Variants in GPM6A observed in about 807,000 individuals in gnomAD.
GPM6A encodes glycoprotein M6A, also known as neuronal membrane glycoprotein M6-a.
In GPM6A, 7 loss-of-function variants were observed where a neutral mutation model predicts 32.1. That is an observed-to-expected ratio of 0.22 (90% CI 0.12 to 0.41). The LOEUF is 0.41. Ranked by LOEUF, GPM6A falls within the 10% of genes least tolerant of loss-of-function variation. The probability of loss-of-function intolerance (pLI) is 1.00; values close to 1 mark genes in which losing one functional copy is unlikely to be tolerated. For synonymous variants in GPM6A, 130 were observed against 123.4 expected (o/e 1.05, Z -0.35); for missense variants, 235 against 347.2 (o/e 0.68, Z 2.57).
intron 1 of GPM6A, among the ~76,000 whole-genome samples, chr4:175,770,973 T>C (rs1244513630): frequency 6.6e-6 from 1 of 152,164 alleles, no homozygotes; most frequent in African/African-American, 2.4e-5. Flanking sequence ...ATAAAACAGA[T>C]AACAAGAAAA....
At chr4:175,793,915 T>C (rs932853958) in intron 1 of GPM6A, among the ~76,000 whole-genome samples, 2 of 152,252 alleles carry the variant, frequency 1.3e-5, no homozygotes, top group Non-Finnish European at 2.9e-5. Flanking sequence ...ATTTCATCCA[T>C]TTATCCTAAT....
chr4:175,851,975 C>T (rs1161009788), intron 1 of GPM6A, among the ~76,000 whole-genome samples: 1 of 152,050 alleles, frequency 6.6e-6, no homozygotes, highest in Non-Finnish European at 1.5e-5. Flanking sequence ...AAGATGTTAG[C>T]CCCAGGAAGT....
intron 1 of GPM6A, among the ~76,000 whole-genome samples, chr4:175,808,341 A>C (rs946434426): frequency 1.3e-5 from 2 of 152,178 alleles, no homozygotes; most frequent in African/African-American, 2.4e-5. Context: ...GTATATGATG[A>C]AGGGGTCTCT....
chr4:175,834,556 A>G (rs1293838421), intron 1 of GPM6A, among the ~76,000 whole-genome samples: 1 of 152,130 alleles, frequency 6.6e-6, no homozygotes, highest in Non-Finnish European at 1.5e-5. Flanking sequence ...GTATGTACAC[A>G]ATGTCTCCAC....
At chr4:175,772,418 A>G (rs1394570362) in intron 1 of GPM6A, among the ~76,000 whole-genome samples, 2 of 152,208 alleles carry the variant, frequency 1.3e-5, no homozygotes, top group African/African-American at 4.8e-5. Context: ...GCAAGAGTGT[A>G]TCACTGACAA....
At chr4:175,857,494 A>G (rs1392351477) in intron 1 of GPM6A, among the ~76,000 whole-genome samples, 1 of 152,224 alleles carries the variant, frequency 6.6e-6, no homozygotes, top group Non-Finnish European at 1.5e-5. Flanking sequence ...AAGCATAAAA[A>G]TCAATTAAAA....
At chr4:175,767,883 T>C (rs143341913) in intron 1 of GPM6A, among the ~76,000 whole-genome samples, 1,780 of 152,324 alleles carry the variant, frequency 0.012, 43 homozygotes, top group African/African-American at 0.04. Flanking sequence ...ATAAATTCTT[T>C]ATATAGAAGA....
chr4:175,814,109 C>T (rs189301220), upstream of GPM6A, among the ~76,000 whole-genome samples: 241 of 152,280 alleles, frequency 1.6e-3, no homozygotes, highest in Middle Eastern at 6.8e-3. Flanking sequence ...TCATTTAGAT[C>T]CTTCATTCGT....
At chr4:175,935,422 T>A (rs1579642060) in intron 1 of GPM6A, among the ~76,000 whole-genome samples, 1 of 152,288 alleles carries the variant, frequency 6.6e-6, no homozygotes, top group South Asian at 2.1e-4. Flanking sequence ...AAAAAGAAGT[T>A]ACCCAAAAAT....
chr4:175,645,959 G>C (rs1412149464), intron 4 of GPM6A, among the ~76,000 whole-genome samples: 1 of 152,086 alleles, frequency 6.6e-6, no homozygotes, highest in Non-Finnish European at 1.5e-5. Context: ...CTCTAGGGGG[G>C]TTTTCTTTAT....
At chr4:175,635,088 A>G in intron 6 of GPM6A, 31 bp from the exon 7 acceptor site, 1 of 1,581,764 alleles carries the variant, frequency 6.3e-7, no homozygotes. Flanking sequence ...TTTATATTGG[A>G]AGTTTGTTCA....
Position 175,821,180 on chromosome 4 carries a change from C to A in GPM6A, c.-22-8931G>T, listed in dbSNP as rs576825638. Among the ~76,000 whole-genome samples the A allele has an allele frequency of 2.0e-5, 3 of 152,218 alleles. No homozygotes were observed. The Middle Eastern group carries it at 0.01, about 518-fold the overall frequency. On this transcript the variant is annotated intron_variant, in intron 1 of 7. Transcript: ENST00000280187. ...TTTTTAAATGTTACCAAAGATAAAT[C>A]TTTTAATTTACATGAGTATTAATTA...
chr4:175,859,769 G>A (rs991453572), intron 1 of GPM6A, among the ~76,000 whole-genome samples: 2 of 152,092 alleles, frequency 1.3e-5, no homozygotes, highest in African/African-American at 4.8e-5. Context: ...CCTATATCAT[G>A]AAACTTCAAA....
At chr4:175,663,011 ATTTTTC>A (rs753413659) in intron 3 of GPM6A, among the ~76,000 whole-genome samples, 203 of 152,230 alleles carry the variant, frequency 1.3e-3, no homozygotes, top group Non-Finnish European at 2.6e-4. Flanking sequence ...TACCTCAAAC[ATTTTTC>A]CTCTTCAATC....
chr4:175,726,592 G>C (rs1746421487), intron 1 of GPM6A, among the ~76,000 whole-genome samples: 1 of 151,938 alleles, frequency 6.6e-6, no homozygotes, highest in South Asian at 2.1e-4. Flanking sequence ...CTCTATGTTG[G>C]TTATCTATAT....
chr4:175,725,315 A>G (rs1302576873), intron 1 of GPM6A, among the ~76,000 whole-genome samples: 2 of 148,212 alleles, frequency 1.3e-5, no homozygotes, highest in East Asian at 4.0e-4. Context: ...TTTTTGCAAC[A>G]GAGTCTTGCT....
chr4:175,754,428 G>A (rs1732452564), intron 1 of GPM6A, among the ~76,000 whole-genome samples: 1 of 152,084 alleles, frequency 6.6e-6, no homozygotes, highest in Non-Finnish European at 1.5e-5. Flanking sequence ...AACATCTAAG[G>A]ATAAAAATAT....
At chr4:175,757,496 G>A (rs896060310) in intron 1 of GPM6A, among the ~76,000 whole-genome samples, 1 of 152,034 alleles carries the variant, frequency 6.6e-6, no homozygotes, top group East Asian at 1.9e-4. Flanking sequence ...TATTACGCCT[G>A]GATAAGTAAC....
intron 6 of GPM6A, among the ~76,000 whole-genome samples, chr4:175,636,458 T>C (rs967286222): frequency 1.3e-5 from 2 of 151,378 alleles, no homozygotes; most frequent in African/African-American, 4.9e-5. Context: ...TCAAAAACTT[T>C]TCATAATATC....
Sources: gnomAD v4.1 joint callset for allele counts (sites outside exome capture counted in the v4.1 genomes callset) on GRCh38, gnomAD v4.1.1 for gene constraint, MANE v1.5 for transcripts, NCBI Gene and HGNC (gene_info 2026-07-23, HGNC 2026-07-21) for gene names.